PLCB4: variants seen among roughly 807,000 people sequenced by gnomAD.
The protein encoded by PLCB4 is 1-phosphatidylinositol 4,5-bisphosphate phosphodiesterase beta-4.
In PLCB4, 77 loss-of-function variants were observed where a neutral mutation model predicts 178.8. The ratio of observed to expected loss-of-function variants is 0.43; its 90% CI spans 0.36 to 0.52. The LOEUF is 0.52. Ranked by LOEUF, PLCB4 falls within the 20% of genes least tolerant of loss-of-function variation. The pLI, the probability that PLCB4 is intolerant of heterozygous loss-of-function variation, is 0.00. For missense variants in PLCB4, 1,024 were observed against 1,453.4 expected (o/e 0.70, Z 4.80); for synonymous variants, 496 against 490.8 (o/e 1.01, Z -0.14).
chr20:9,211,070 G>T (rs1186125381), intron 2 of PLCB4, among the ~76,000 whole-genome samples: 1 of 152,052 alleles, frequency 6.6e-6, no homozygotes, highest in East Asian at 1.9e-4. Context: ...GTGTCCTTTT[G>T]GCCCACCCAC....
intron 2 of PLCB4, among the ~76,000 whole-genome samples, chr20:9,114,355 C>G (rs1468861477): frequency 6.6e-6 from 1 of 151,558 alleles, no homozygotes. Flanking sequence ...AAGATGATGG[C>G]AATGTTGAGT....
Position 9,423,744 on chromosome 20 carries a change from G to T in PLCB4, c.2320-4G>T. The T allele has an allele frequency of 6.2e-7, 1 of 1,612,320 alleles. No homozygotes were observed. Among genetic ancestry groups the T allele is most frequent in the Non-Finnish European group, 8.5e-7 (1 of 1,178,742 alleles). ...AATCAGTGAAAGTCCTGTTCTGTTTGCAGGTGATCCTGCCGGACCTGGCTG... is the reference window on the plus strand; with the variant it reads ...AATCAGTGAAAGTCCTGTTCTGTTTTCAGGTGATCCTGCCGGACCTGGCTG... On this transcript the variant is annotated splice_polypyrimidine_tract_variant and splice_region_variant and intron_variant, in intron 27 of 39. Coordinates refer to ENST00000378473, the MANE Select transcript of PLCB4 (RefSeq NM_001377142.1).
intron 7 of PLCB4, among the ~76,000 whole-genome samples, chr20:9,355,348 G>T (rs570411855): frequency 9.2e-5 from 14 of 151,764 alleles, no homozygotes; most frequent in South Asian, 6.3e-4. Context: ...CAATGTGCAG[G>T]TTAGTTACAT....
At chr20:9,412,681 C>T (rs73248733) in intron 25 of PLCB4, among the ~76,000 whole-genome samples, 5,928 of 152,170 alleles carry the variant, frequency 0.039, 394 homozygotes, top group African/African-American at 0.13. Context: ...ATCTGACCAC[C>T]CTGGATATCC....
At chr20:9,367,667 G>T (rs2035897853) in intron 9 of PLCB4, among the ~76,000 whole-genome samples, 1 of 152,146 alleles carries the variant, frequency 6.6e-6, no homozygotes, top group South Asian at 2.1e-4. Flanking sequence ...TCAGGAAATG[G>T]GCAAAGTAGA....
At chr20:9,209,197 T>C (rs2093646097) in intron 2 of PLCB4, among the ~76,000 whole-genome samples, 1 of 152,152 alleles carries the variant, frequency 6.6e-6, no homozygotes, top group South Asian at 2.1e-4. Flanking sequence ...TTCTTTGCAG[T>C]AGATGTGGAA....
At chr20:9,141,696 C>T (rs931273128) in intron 2 of PLCB4, among the ~76,000 whole-genome samples, 2 of 151,930 alleles carry the variant, frequency 1.3e-5, no homozygotes, top group African/African-American at 4.8e-5. Flanking sequence ...TATACCTACC[C>T]AGGAATTATG....
chr20:9,197,981 T>C (rs1189310282), intron 2 of PLCB4, among the ~76,000 whole-genome samples: 1 of 148,934 alleles, frequency 6.7e-6, no homozygotes, highest in Non-Finnish European at 1.5e-5. Context: ...ATCTCAAAAA[T>C]AAAAAAATAA....
At chr20:9,301,810 C>T (rs2147833647) in intron 3 of PLCB4, among the ~76,000 whole-genome samples, 1 of 152,270 alleles carries the variant, frequency 6.6e-6, no homozygotes, top group Non-Finnish European at 1.5e-5. Context: ...TCCAAAGTTT[C>T]TTGCAGTCCA....
chr20:9,373,255 C>T (rs368292259), intron 12 of PLCB4, 151 bp downstream of exon 12: 81 of 527,400 alleles, frequency 1.5e-4, no homozygotes, highest in East Asian at 7.5e-4. Flanking sequence ...GTGCAAAAAT[C>T]AGCTGCCGCC....
chr20:9,469,620 G>C (rs2044043734), intron 36 of PLCB4, among the ~76,000 whole-genome samples: 1 of 152,238 alleles, frequency 6.6e-6, no homozygotes, highest in Admixed American at 6.5e-5. Flanking sequence ...GTCTCACCTA[G>C]GGTCCCAGTA....
chr20:9,147,836 G>C (rs2146909732), intron 2 of PLCB4, among the ~76,000 whole-genome samples: 1 of 152,222 alleles, frequency 6.6e-6, no homozygotes, highest in South Asian at 2.1e-4. Context: ...AAGTTACGTA[G>C]CCGAGACTGT....
chr20:9,246,313 C>T (rs2094125499), intron 3 of PLCB4, among the ~76,000 whole-genome samples: 1 of 152,134 alleles, frequency 6.6e-6, no homozygotes, highest in Non-Finnish European at 1.5e-5. Flanking sequence ...TACATACCTT[C>T]AATGGCAAAA....
At chr20:9,425,202 G>A (rs1010759987) in intron 28 of PLCB4, among the ~76,000 whole-genome samples, 11 of 152,326 alleles carry the variant, frequency 7.2e-5, no homozygotes, top group Middle Eastern at 6.8e-3. Flanking sequence ...GCAGCAGTCC[G>A]TGGCAAACCT....
At chr20:9,072,162 C>T (rs1448506929) in intron 1 of PLCB4, among the ~76,000 whole-genome samples, 1 of 152,164 alleles carries the variant, frequency 6.6e-6, no homozygotes, top group Non-Finnish European at 1.5e-5. Flanking sequence ...TGGTGGGAGG[C>T]AGCAGTGACT....
intron 7 of PLCB4, among the ~76,000 whole-genome samples, chr20:9,356,578 G>A (rs754277405): frequency 1.8e-4 from 27 of 152,198 alleles, no homozygotes; most frequent in Admixed American, 3.3e-4. Context: ...ATTAGATCCT[G>A]TGGCAATCTT....
rs765908865 is a variant in PLCB4, at chr20:9,476,680, T to TGAC, written c.3496-36_3496-34dup. The TGAC allele has an allele frequency of 5.5e-6, 8 of 1,462,370 alleles. No individual in the cohort carries two copies. In the African/African-American group the frequency reaches 1.1e-4, roughly 20 times the overall value. 90.6% of individuals were successfully genotyped at this position (1,462,370 alleles called of 1,614,324 possible). ...ATTTATTTTCTTCGTTTTGTATGTA[T>TGAC]GACTCAATTTTGACATTACTATTTT... is the stretch of plus-strand genomic sequence containing the variant. On this transcript the variant is annotated intron_variant, in intron 38 of 39. Transcript: ENST00000378473.
chr20:9,311,047 T>G (rs2094827313), intron 4 of PLCB4, among the ~76,000 whole-genome samples: 1 of 152,234 alleles, frequency 6.6e-6, no homozygotes, highest in Admixed American at 6.5e-5. Flanking sequence ...AAAGACAGAT[T>G]CGTCTCTTGT....
intron 23 of PLCB4, 149 bp from the exon 24 acceptor site, chr20:9,408,908 T>A: frequency 1.3e-6 from 1 of 771,478 alleles, no homozygotes; most frequent in East Asian, 2.7e-5. Flanking sequence ...TGAACTGTGA[T>A]CTTAAGCATC....
Sources: gnomAD v4.1 joint callset for allele counts (sites outside exome capture counted in the v4.1 genomes callset) on GRCh38, gnomAD v4.1.1 for gene constraint, MANE v1.5 for transcripts, NCBI Gene and HGNC (gene_info 2026-07-23, HGNC 2026-07-21) for gene names.